The following GRID1 variants were observed in gnomAD, a reference collection of about 807,000 sequenced individuals.
GRID1 encodes glutamate ionotropic receptor delta type subunit 1.
Under a neutral mutation model 98.0 loss-of-function variants are expected in GRID1, and 28 were observed. The observed-to-expected ratio is 0.29, with a 90% CI of 0.21 to 0.39. GRID1 has a LOEUF of 0.39. Among genes scored for constraint, GRID1 ranks in the 10% least tolerant of loss-of-function variants. GRID1 has a pLI of 1.00. For missense variants in GRID1, 1,111 were observed against 1,340.5 expected (o/e 0.83, Z 2.67); for synonymous variants, 553 against 538.5 (o/e 1.03, Z -0.37).
intron 2 of GRID1, among the ~76,000 whole-genome samples, chr10:86,300,592 T>C (rs1564732986): frequency 6.7e-6 from 1 of 148,888 alleles, no homozygotes; most frequent in East Asian, 2.0e-4. Flanking sequence ...GAGCTTTTCC[T>C]TAAATAGAGT....
chr10:86,263,264 G>C (rs551409480), intron 2 of GRID1, among the ~76,000 whole-genome samples: 1 of 152,354 alleles, frequency 6.6e-6, no homozygotes, highest in East Asian at 1.9e-4. Context: ...TGTGTGCCTG[G>C]CGGAGAAGCT....
chr10:85,967,358 A>G (rs934723745), intron 4 of GRID1, among the ~76,000 whole-genome samples: 11 of 152,292 alleles, frequency 7.2e-5, no homozygotes, highest in Middle Eastern at 3.4e-3. Flanking sequence ...GAAAGAAAGA[A>G]AGAGAGAAAA....
At chr10:85,853,428 C>T (rs145951399) in intron 8 of GRID1, among the ~76,000 whole-genome samples, 155 of 152,264 alleles carry the variant, frequency 1.0e-3, no homozygotes, top group African/African-American at 3.5e-3. Flanking sequence ...CATCTTCCTT[C>T]GAAGTGTGTG....
intron 4 of GRID1, among the ~76,000 whole-genome samples, chr10:86,133,133 C>T (rs1844863754): frequency 6.6e-6 from 1 of 152,208 alleles, no homozygotes; most frequent in Non-Finnish European, 1.5e-5. Flanking sequence ...AATACCTCTC[C>T]CAGACTGTTC....
intron 4 of GRID1, among the ~76,000 whole-genome samples, chr10:86,008,236 G>A (rs1842886804): frequency 6.6e-6 from 1 of 152,010 alleles, no homozygotes; most frequent in Admixed American, 6.6e-5. Flanking sequence ...AACAGGAACT[G>A]GGTTCACCAG....
At chr10:86,348,144 C>T (rs536998902) in intron 2 of GRID1, among the ~76,000 whole-genome samples, 80 of 152,338 alleles carry the variant, frequency 5.3e-4, no homozygotes, top group African/African-American at 1.7e-3. Context: ...TGTGCAGGTC[C>T]TCGTGTGTAC....
chr10:86,169,903 T>G (rs1845457689), intron 3 of GRID1, among the ~76,000 whole-genome samples: 1 of 152,136 alleles, frequency 6.6e-6, no homozygotes, highest in Non-Finnish European at 1.5e-5. Context: ...CAAGGTACAG[T>G]CACTTCCTCT....
intron 2 of GRID1, among the ~76,000 whole-genome samples, chr10:86,322,056 G>A (rs1434035290): frequency 9.2e-5 from 14 of 151,986 alleles, no homozygotes; most frequent in Admixed American, 7.9e-4. Context: ...AGAGAGAGGG[G>A]AGAGGCTATC....
rs146530977 is a variant in GRID1 at position 86,039,196 on chromosome 10, T to C, written c.726+99623A>G. 2.2e-3 allele frequency among the ~76,000 whole-genome samples: 339 copies of C among 152,296 alleles called. 1 individual carries two copies. Among genetic ancestry groups the C allele is most frequent in the Middle Eastern group, 6.8e-3 (2 of 294 alleles). On this transcript the variant is annotated intron_variant, in intron 4 of 15. Transcript: ENST00000327946. ...AATGCAAATAGGACCTTGTCATTCC[T>C]CACTCCTAACCTCTCTATGGTCATT...
rs7086191 is a variant in GRID1, at chr10:85,673,251, C to T, written c.1998-25854G>A. On this transcript the variant is annotated intron_variant, in intron 12 of 15. Transcript: ENST00000327946. ...TCTTACAGATGAGCAAAGAAAGTGG[C>T]TTCTTGAGATAGAATATACTCCTGG... Among the ~76,000 whole-genome samples, 762 of 152,282 alleles carry T rather than the reference C, an allele frequency of 5.0e-3. 11 individuals are homozygous for T. The highest frequency in any genetic ancestry group is 0.018 in the African/African-American group (730 of 41,558).
chr10:85,734,436 A>G (rs567845786), intron 8 of GRID1, among the ~76,000 whole-genome samples: 1 of 152,314 alleles, frequency 6.6e-6, no homozygotes, highest in South Asian at 2.1e-4. Context: ...TTCCAAGCCT[A>G]TTATCATGCT....
chr10:85,658,617 C>A lies in GRID1; in HGVS notation c.1998-11220G>T, dbSNP rs113410111. ...CACATGGATCATTAGAAACATCATG[C>A]AAAACACGGTGCTAGAATGAAGCAC... On this transcript the variant is annotated intron_variant, in intron 12 of 15. Transcript: ENST00000327946. Among the ~76,000 whole-genome samples the A allele has an allele frequency of 2.9e-3, 437 of 152,228 alleles. 4 individuals carry two copies. The highest frequency in any genetic ancestry group is 9.7e-3 in the African/African-American group (401 of 41,534).
chr10:86,045,131 C>T (rs992729902), intron 4 of GRID1, among the ~76,000 whole-genome samples: 1 of 152,206 alleles, frequency 6.6e-6, no homozygotes, highest in African/African-American at 2.4e-5. Flanking sequence ...TTTGTATTAA[C>T]TCATTCAATC....
chr10:85,861,693 G>A (rs1018032372), intron 6 of GRID1, among the ~76,000 whole-genome samples: 14 of 152,208 alleles, frequency 9.2e-5, no homozygotes, highest in Admixed American at 2.0e-4. Context: ...TGAGATCAGC[G>A]AGGTGTGCAG....
intron 8 of GRID1, among the ~76,000 whole-genome samples, chr10:85,817,268 CTG>C (rs1282550546): frequency 6.6e-6 from 1 of 152,156 alleles, no homozygotes; most frequent in Non-Finnish European, 1.5e-5. Flanking sequence ...AGTTCTATGC[CTG>C]TAATCCCAGC....
chr10:85,812,957 A>C (rs1277321950), intron 8 of GRID1, among the ~76,000 whole-genome samples: 1 of 151,842 alleles, frequency 6.6e-6, no homozygotes, highest in Non-Finnish European at 1.5e-5. Context: ...TAATGGCAGC[A>C]TTGGTACCTA....
In GRID1 at chr10:85,651,258, G is replaced by A. The variant is rs571635861; in HGVS notation, c.1998-3861C>T. ...TTAATAAATGCTAGCCCTTCTAGTA[G>A]ACTGCTTATCAGTAGTTCAAATGGT... is the stretch of plus-strand genomic sequence containing the variant. On this transcript the variant is annotated intron_variant, in intron 12 of 15. Transcript: ENST00000327946. Among the ~76,000 whole-genome samples, 4 of 152,316 alleles carry A rather than the reference G, an allele frequency of 2.6e-5. 1 individual carries two copies. In the South Asian group the frequency reaches 8.3e-4, roughly 32 times the overall value.
At chr10:86,276,085 TCATAA>T (rs1178756322) in intron 2 of GRID1, among the ~76,000 whole-genome samples, 1 of 152,228 alleles carries the variant, frequency 6.6e-6, no homozygotes, top group Non-Finnish European at 1.5e-5. Flanking sequence ...ACTGGGAGTG[TCATAA>T]CAGAATACCA....
chr10:86,141,200 C>T (rs1845006387), intron 3 of GRID1, among the ~76,000 whole-genome samples: 1 of 152,154 alleles, frequency 6.6e-6, no homozygotes, highest in African/African-American at 2.4e-5. Flanking sequence ...CTTACACCTG[C>T]CCCAGTGCTC....
Sources: allele counts gnomAD v4.1 joint callset (sites outside exome capture counted in the v4.1 genomes callset), GRCh38; gene constraint gnomAD v4.1.1; transcripts MANE v1.5; gene names NCBI Gene and HGNC (gene_info 2026-07-23, HGNC 2026-07-21).